Variants in RIGI observed in about 807,000 individuals in gnomAD.
RIGI encodes the protein antiviral innate immune response receptor RIG-I.
the RIGI span, among the ~76,000 whole-genome samples, chr9:32,508,771 G>A: frequency 6.6e-6 from 1 of 152,060 alleles, no homozygotes; most frequent in Non-Finnish European, 1.5e-5. Context: ...CTCCTGGAAA[G>A]GGGGCTGAAG....
the RIGI span, among the ~76,000 whole-genome samples, chr9:32,507,737 C>T: frequency 6.1e-4 from 93 of 151,894 alleles, no homozygotes; most frequent in African/African-American, 2.1e-3. Context: ...GCTCAATTTT[C>T]GGGGCTCAAG....
chr9:32,463,874 T>G, the RIGI span, among the ~76,000 whole-genome samples: 1 of 40,784 alleles, frequency 2.5e-5, no homozygotes, highest in African/African-American at 7.4e-5. Context: ...AACAGCTTCC[T>G]CCTCATTCTG....
the RIGI span, among the ~76,000 whole-genome samples, chr9:32,486,622 GAAAA>G: frequency 7.5e-6 from 1 of 133,526 alleles, no homozygotes; most frequent in Admixed American, 7.5e-5. Context: ...CAAAGAAAAA[GAAAA>G]AAAAAAAAGA....
At chr9:32,461,515 G>C in the RIGI span, among the ~76,000 whole-genome samples, 3 of 152,204 alleles carry the variant, frequency 2.0e-5, no homozygotes, top group Non-Finnish European at 4.4e-5. Context: ...CTGTCACTTA[G>C]CAGCTATGTG....
At chr9:32,465,496 G>A in the RIGI span, among the ~76,000 whole-genome samples, 1 of 152,146 alleles carries the variant, frequency 6.6e-6, no homozygotes, top group Non-Finnish European at 1.5e-5. Context: ...TCTTGGGCAC[G>A]TATTTTATGC....
chr9:32,462,036 A>C, the RIGI span, among the ~76,000 whole-genome samples: 1 of 152,134 alleles, frequency 6.6e-6, no homozygotes, highest in Non-Finnish European at 1.5e-5. Context: ...TTTCTGCTTC[A>C]AACTTTTCTG....
At chr9:32,488,797 G>C in the RIGI span, 2 of 1,612,784 alleles carry the variant, frequency 1.2e-6, no homozygotes, top group Non-Finnish European at 1.7e-6. Context: ...GATCTGATTC[G>C]CAAAAAAGAC....
At chr9:32,513,174 C>T in the RIGI span, among the ~76,000 whole-genome samples, 1 of 151,772 alleles carries the variant, frequency 6.6e-6, no homozygotes, top group Admixed American at 6.6e-5. Flanking sequence ...CAATGCCATC[C>T]CCATCAAGCT....
chr9:32,513,115 G>A, the RIGI span, among the ~76,000 whole-genome samples: 3 of 151,680 alleles, frequency 2.0e-5, no homozygotes, highest in Admixed American at 2.0e-4. Context: ...CGGGTAGGAA[G>A]AATCAATATC....
the RIGI span, among the ~76,000 whole-genome samples, chr9:32,490,850 C>T: frequency 6.6e-6 from 1 of 152,202 alleles, no homozygotes; most frequent in African/African-American, 2.4e-5. Context: ...ATCTCAGCCC[C>T]TACTCAACCT....
the RIGI span, among the ~76,000 whole-genome samples, chr9:32,516,867 A>G: frequency 3.9e-4 from 59 of 152,192 alleles, no homozygotes; most frequent in Admixed American, 1.8e-3. Flanking sequence ...ATAAAGCCCG[A>G]TTGAGAGAGA....
chr9:32,520,588 CCTCTA>C, the RIGI span, among the ~76,000 whole-genome samples: 1 of 152,098 alleles, frequency 6.6e-6, no homozygotes, highest in Non-Finnish European at 1.5e-5. Context: ...CCATTCAATC[CCTCTA>C]CGCCCAGGAA....
the RIGI span, among the ~76,000 whole-genome samples, chr9:32,525,080 T>A: frequency 3.3e-5 from 5 of 152,312 alleles, no homozygotes; most frequent in Admixed American, 2.6e-4. Flanking sequence ...GTTCAAAGAA[T>A]GCAGTCTTGC....
chr9:32,513,114 A>C, the RIGI span, among the ~76,000 whole-genome samples: 594 of 151,898 alleles, frequency 3.9e-3, 17 homozygotes, highest in Admixed American at 0.034. Context: ...ACGGGTAGGA[A>C]GAATCAATAT....
the RIGI span, among the ~76,000 whole-genome samples, chr9:32,490,270 G>A: frequency 6.6e-6 from 1 of 152,300 alleles, no homozygotes; most frequent in South Asian, 2.1e-4. Context: ...CCAGCTACTT[G>A]GGAGACTGAG....
At chr9:32,491,416 T>C in the RIGI span, 2 of 1,604,436 alleles carry the variant, frequency 1.2e-6, no homozygotes, top group Non-Finnish European at 1.7e-6. Context: ...CAACATCTTT[T>C]ATACCTTTTT....
At chr9:32,484,584 A>G in the RIGI span, among the ~76,000 whole-genome samples, 2 of 152,156 alleles carry the variant, frequency 1.3e-5, no homozygotes, top group Non-Finnish European at 2.9e-5. Context: ...ATTCAATCAT[A>G]ACACTCACAG....
At chr9:32,492,605 G>A in the RIGI span, 1 of 1,567,376 alleles carries the variant, frequency 6.4e-7, no homozygotes, top group Admixed American at 1.7e-5. Context: ...AATTTTTACT[G>A]AAGAAATGTC....
chr9:32,512,095 A>C, the RIGI span, among the ~76,000 whole-genome samples: 52 of 152,280 alleles, frequency 3.4e-4, no homozygotes, highest in East Asian at 7.3e-3. Context: ...CAACCAAAAA[A>C]AGCCCAGGAC....
Sources: gnomAD v4.1 joint callset for allele counts (sites outside exome capture counted in the v4.1 genomes callset) on GRCh38, gnomAD v4.1.1 for gene constraint, MANE v1.5 for transcripts, NCBI Gene and HGNC (gene_info 2026-07-23, HGNC 2026-07-21) for gene names.